Variants in GLIS3 observed in about 807,000 individuals in gnomAD.
The protein encoded by GLIS3 is zinc finger protein GLIS3.
Under a neutral mutation model 78.6 loss-of-function variants are expected in GLIS3, and 53 were observed. That is an observed-to-expected ratio of 0.67 (90% confidence interval 0.54 to 0.85). The LOEUF is 0.85. Among genes scored for constraint, GLIS3 ranks in the 40% least tolerant of loss-of-function variants. The probability of loss-of-function intolerance (pLI) is 0.00; values close to 1 mark genes in which losing one functional copy is unlikely to be tolerated. For missense variants in GLIS3, 1,703 were observed against 1,231.1 expected (o/e 1.38, Z -5.74); for synonymous variants, 684 against 509.9 (o/e 1.34, Z -4.60).
At chr9:4,255,337 ATG>A (rs2129932784) in intron 2 of GLIS3, among the ~76,000 whole-genome samples, 1 of 152,278 alleles carries the variant, frequency 6.6e-6, no homozygotes, top group South Asian at 2.1e-4. Context: ...TCCTTACCAT[ATG>A]TCCCAGTGAC....
intron 9 of GLIS3, among the ~76,000 whole-genome samples, chr9:3,841,715 A>G (rs559943061): frequency 8.5e-5 from 13 of 152,190 alleles, no homozygotes; most frequent in Non-Finnish European, 1.5e-4. Context: ...GAATTTTTCT[A>G]TGAGGGGGAA....
chr9:4,187,471 C>T (rs1480278477), intron 2 of GLIS3, among the ~76,000 whole-genome samples: 4 of 151,980 alleles, frequency 2.6e-5, no homozygotes, highest in Admixed American at 6.6e-5. Flanking sequence ...ATTGACTTGG[C>T]GATGTGGGCT....
intron 1 of GLIS3, among the ~76,000 whole-genome samples, chr9:4,292,626 GCTAT>G (rs1478312720): frequency 1.3e-5 from 2 of 152,176 alleles, no homozygotes; most frequent in Non-Finnish European, 2.9e-5. Flanking sequence ...TCCTACCACT[GCTAT>G]CTTTCACTGT....
rs570544833 is a variant in GLIS3 at position 4,130,335 on chromosome 9, G to A, written c.389-4394C>T. On this transcript the variant is annotated intron_variant, in intron 2 of 10. Transcript: ENST00000381971. ...CATAAGTAAAGACAAGGCAAGTACTGACAGCCAAGACAATGGGGGAAGGCC... is the reference window on the plus strand; with the variant it reads ...CATAAGTAAAGACAAGGCAAGTACTAACAGCCAAGACAATGGGGGAAGGCC... Among the ~76,000 whole-genome samples, 3 of 152,346 alleles carry A rather than the reference G, an allele frequency of 2.0e-5. No individual in the cohort carries two copies. The East Asian group carries it at 5.8e-4, about 29-fold the overall frequency.
rs543510728 is a variant in GLIS3, at chr9:4,228,358, A to T, written c.388+57680T>A. Among the ~76,000 whole-genome samples the T allele has an allele frequency of 6.4e-4, 98 of 152,308 alleles. 4 individuals are homozygous for T. In the South Asian group the frequency reaches 0.018, roughly 28 times the overall value. On this transcript the variant is annotated intron_variant, in intron 2 of 10. Transcript: ENST00000381971. Reference sequence around the variant, plus strand: ...GGGCTGAGCCGGAGAGGGGCTGTCCATGCGAATGTAACAGGTGAAGCTCTG... The same window carrying T: ...GGGCTGAGCCGGAGAGGGGCTGTCCTTGCGAATGTAACAGGTGAAGCTCTG...
the GLIS3 span, among the ~76,000 whole-genome samples, chr9:4,363,008 G>A: frequency 3.3e-5 from 5 of 152,166 alleles, no homozygotes; most frequent in East Asian, 7.7e-4. Flanking sequence ...AGAGAAGAGA[G>A]GAGAGAAGTG....
intron 4 of GLIS3, among the ~76,000 whole-genome samples, chr9:3,956,028 C>CCAAAAAAAAAAAAAAAAA (rs1491307787): frequency 1.8e-4 from 16 of 87,558 alleles, no homozygotes; most frequent in Admixed American, 2.5e-4. Flanking sequence ...CCAGATTCAG[C>CCAAAAAAAAAAAAAAAAA]AAAAAAAAAA....
At chr9:4,296,755 T>C (rs977815614) in intron 1 of GLIS3, among the ~76,000 whole-genome samples, 1 of 151,998 alleles carries the variant, frequency 6.6e-6, no homozygotes, top group African/African-American at 2.4e-5. Flanking sequence ...GGACAGGTGT[T>C]TTGAAAATAG....
intron 4 of GLIS3, among the ~76,000 whole-genome samples, chr9:4,047,947 T>A (rs10733504): frequency 3.3e-5 from 5 of 152,106 alleles, no homozygotes; most frequent in Non-Finnish European, 2.9e-5. Context: ...CTGGTAGGCC[T>A]AAGGAGGTCT....
chr9:3,919,768 A>G (rs17750811), intron 6 of GLIS3, among the ~76,000 whole-genome samples: 4,674 of 152,174 alleles, frequency 0.031, 111 homozygotes, highest in Non-Finnish European at 0.042. Flanking sequence ...GAATTTTGGA[A>G]AAGATACTTC....
chr9:4,245,753 A>G (rs1823750937), intron 2 of GLIS3, among the ~76,000 whole-genome samples: 1 of 152,202 alleles, frequency 6.6e-6, no homozygotes, highest in African/African-American at 2.4e-5. Context: ...ATACCACTAT[A>G]TCCCATAAAT....
At chr9:3,970,463 A>C (rs1396748260) in intron 4 of GLIS3, among the ~76,000 whole-genome samples, 1 of 152,206 alleles carries the variant, frequency 6.6e-6, no homozygotes, top group East Asian at 1.9e-4. Flanking sequence ...TTATTTGTAG[A>C]AGAAATTTTT....
At chr9:4,261,637 G>C (rs950548500) in intron 2 of GLIS3, among the ~76,000 whole-genome samples, 2 of 152,172 alleles carry the variant, frequency 1.3e-5, no homozygotes, top group African/African-American at 4.8e-5. Flanking sequence ...GCAGCCCTTA[G>C]AATGCCCCTG....
intron 2 of GLIS3, among the ~76,000 whole-genome samples, chr9:4,313,572 G>C (rs1047843624): frequency 6.6e-6 from 1 of 152,156 alleles, no homozygotes; most frequent in Non-Finnish European, 1.5e-5. Context: ...AATGGTCCTG[G>C]ATGTGACTCC....
chr9:4,074,045 A>C (rs535361751), intron 4 of GLIS3, among the ~76,000 whole-genome samples: 38 of 152,326 alleles, frequency 2.5e-4, no homozygotes, highest in African/African-American at 7.9e-4. Flanking sequence ...ATGCACTCCA[A>C]GCATTTCCTC....
At chr9:4,317,725 T>G (rs1395178386) in intron 2 of GLIS3, among the ~76,000 whole-genome samples, 1 of 152,332 alleles carries the variant, frequency 6.6e-6, no homozygotes, top group Non-Finnish European at 1.5e-5. Flanking sequence ...CAGGCATTAT[T>G]CAAGTTCCTA....
intron 4 of GLIS3, among the ~76,000 whole-genome samples, chr9:4,061,894 G>A (rs558257139): frequency 6.6e-6 from 1 of 152,284 alleles, no homozygotes; most frequent in Admixed American, 6.5e-5. Flanking sequence ...AGTGTTCAGG[G>A]TGTCCTGAGA....
chr9:4,303,563 C>A (rs1310655896), upstream of GLIS3, among the ~76,000 whole-genome samples: 3 of 152,124 alleles, frequency 2.0e-5, no homozygotes, highest in African/African-American at 7.2e-5. Context: ...TTAAAAAATT[C>A]TTATTTACAC....
rs547912366 is a variant in GLIS3 at position 3,971,027 on chromosome 9, G to A, written c.1711-33838C>T. ...GGAGAGAAGGAAGGAAGGGAGGATC[G>A]ATCAAAGGAAAGAAGGAAGGATCGA... On this transcript the variant is annotated intron_variant, in intron 4 of 10. Coordinates refer to ENST00000381971, the MANE Select transcript of GLIS3 (RefSeq NM_001042413.2). Among the ~76,000 whole-genome samples the A allele has an allele frequency of 2.2e-4, 33 of 151,196 alleles. 1 individual carries two copies. The highest frequency in any genetic ancestry group is 1.4e-3 in the Admixed American group (21 of 15,146).
Sources: allele counts gnomAD v4.1 joint callset (sites outside exome capture counted in the v4.1 genomes callset), GRCh38; gene constraint gnomAD v4.1.1; transcripts MANE v1.5; gene names NCBI Gene and HGNC (gene_info 2026-07-23, HGNC 2026-07-21).